Variants in IL19 observed in about 807,000 individuals in gnomAD.
The protein encoded by IL19 is interleukin-19.
In IL19, 15 loss-of-function variants were observed where a neutral mutation model predicts 19.5. The observed-to-expected ratio is 0.77, with a 90% CI of 0.52 to 1.19. IL19 has a LOEUF of 1.19. IL19 is among the 50% of genes most tolerant of loss of function. The pLI, the probability that IL19 is intolerant of heterozygous loss-of-function variation, is 0.00. For missense variants in IL19, 199 were observed against 213.1 expected (o/e 0.93, Z 0.41); for synonymous variants, 78 against 78.3 (o/e 1.00, Z 0.02).
At chr1:206,777,761 GT>G (rs1369534818) in intron 1 of IL19, among the ~76,000 whole-genome samples, 12 of 152,244 alleles carry the variant, frequency 7.9e-5, no homozygotes, top group African/African-American at 2.9e-4. Context: ...TTTGCCATTA[GT>G]AGTTATTTTT....
chr1:206,822,620 A>G (rs1004948446), intron 2 of IL19, among the ~76,000 whole-genome samples: 4 of 152,238 alleles, frequency 2.6e-5, no homozygotes, highest in African/African-American at 4.8e-5. Context: ...ACAAGGTTGT[A>G]AGGATTAAAT....
At chr1:206,783,661 G>T (rs998629862) in intron 1 of IL19, among the ~76,000 whole-genome samples, 1 of 152,148 alleles carries the variant, frequency 6.6e-6, no homozygotes, top group Admixed American at 6.5e-5. Flanking sequence ...GCCCTACCCT[G>T]GGTCCAAGTG....
intron 1 of IL19, among the ~76,000 whole-genome samples, chr1:206,775,178 C>T (rs1247556230): frequency 2.0e-5 from 3 of 151,898 alleles, no homozygotes; most frequent in Non-Finnish European, 4.4e-5. Flanking sequence ...GTAGCTGGGA[C>T]TACAGGCGCC....
chr1:206,774,724 C>A (rs530865661), intron 1 of IL19, among the ~76,000 whole-genome samples: 4 of 152,166 alleles, frequency 2.6e-5, no homozygotes, highest in African/African-American at 9.7e-5. Flanking sequence ...TTTTATTAAT[C>A]TTTGCGTACT....
At chr1:206,775,144 C>T (rs1329749666) in intron 1 of IL19, among the ~76,000 whole-genome samples, 1 of 151,902 alleles carries the variant, frequency 6.6e-6, no homozygotes, top group African/African-American at 2.4e-5. Flanking sequence ...GAGTTCAAGC[C>T]ATTCTCCTGC....
At chr1:206,840,078 C>G in intron 5 of IL19, 76 bp downstream of exon 5, 1 of 1,508,508 alleles carries the variant, frequency 6.6e-7, no homozygotes. Flanking sequence ...TGGCCCCCAT[C>G]GGCCTCCTGA....
chr1:206,812,101 T>C (rs778725650), intron 2 of IL19, among the ~76,000 whole-genome samples: 2 of 152,196 alleles, frequency 1.3e-5, no homozygotes, highest in African/African-American at 2.4e-5. Flanking sequence ...ATGGTACCAG[T>C]TGGGAGATTA....
intron 2 of IL19, among the ~76,000 whole-genome samples, chr1:206,810,539 T>C (rs1254387534): frequency 6.6e-6 from 1 of 152,222 alleles, no homozygotes; most frequent in Non-Finnish European, 1.5e-5. Context: ...AGCACTTGCA[T>C]CTCTGAAAAG....
rs1289932206 is a variant in IL19 at position 206,770,847 on chromosome 1, G to A, written c.-380G>A. On this transcript the variant is annotated 5_prime_UTR_variant, in exon 1 of 7. Coordinates refer to ENST00000659997, the MANE Select transcript of IL19 (RefSeq NM_153758.5). The stretch of plus-strand genomic sequence containing the variant: ...TCTGTGGATGTGAGTGTCCCTGCTG[G>A]TCTGTAGGAGATGGTATTTTGGGGG... 2.0e-6 allele frequency: 3 copies of A among 1,514,466 alleles called. 1 individual carries two copies. Among genetic ancestry groups the A allele is most frequent in the Non-Finnish European group, 2.8e-6 (3 of 1,088,402 alleles). 93.8% of individuals were successfully genotyped at this position (1,514,466 alleles called of 1,614,324 possible).
intron 2 of IL19, among the ~76,000 whole-genome samples, chr1:206,831,119 AG>A (rs780203117): frequency 2.6e-5 from 4 of 152,222 alleles, no homozygotes; most frequent in East Asian, 1.9e-4. Context: ...CTCAGTACTT[AG>A]GAATGGCCAG....
chr1:206,841,920 G>C (rs973499769), intron 6 of IL19, among the ~76,000 whole-genome samples: 3 of 152,174 alleles, frequency 2.0e-5, no homozygotes, highest in Non-Finnish European at 2.9e-5. Flanking sequence ...CAACTGCACG[G>C]CAGAGGTAGG....
chr1:206,777,985 G>A (rs1675049801), intron 1 of IL19, among the ~76,000 whole-genome samples: 1 of 152,222 alleles, frequency 6.6e-6, no homozygotes, highest in Non-Finnish European at 1.5e-5. Context: ...AGGAGTCTGT[G>A]AGCACTGTAT....
chr1:206,804,624 G>A (rs1375999907), intron 2 of IL19, among the ~76,000 whole-genome samples: 2 of 152,136 alleles, frequency 1.3e-5, no homozygotes, highest in African/African-American at 2.4e-5. Flanking sequence ...TGAGATTTGG[G>A]GTTTAAAAGT....
At chr1:206,773,186 A>G (rs1259552415) in intron 1 of IL19, among the ~76,000 whole-genome samples, 1 of 152,142 alleles carries the variant, frequency 6.6e-6, no homozygotes, top group Non-Finnish European at 1.5e-5. Flanking sequence ...AGTGGGTAAG[A>G]GTAGTCTGCA....
chr1:206,821,233 G>T (rs540412096), intron 2 of IL19, among the ~76,000 whole-genome samples: 1 of 152,282 alleles, frequency 6.6e-6, no homozygotes, highest in Admixed American at 6.5e-5. Context: ...ACAGGTTCTG[G>T]AAGTTAAAAT....
rs1308410638 is a variant in IL19 at position 206,797,688 on chromosome 1, AC to A, written c.-148-1170del. Among the ~76,000 whole-genome samples the A allele has an allele frequency of 3.9e-5, 6 of 152,082 alleles. No homozygotes were observed. In the South Asian group the frequency reaches 1.0e-3, roughly 26 times the overall value. On this transcript the variant is annotated intron_variant, in intron 1 of 6. Transcript: ENST00000659997. ...CCAGACCTACTCTTATCACTCACAAACCCTAGAGGTTCCGTGGCCAAAGGAG... is the reference window on the plus strand; with the variant it reads ...CCAGACCTACTCTTATCACTCACAAACCTAGAGGTTCCGTGGCCAAAGGAG...
At chr1:206,805,318 A>G in intron 2 of IL19, among the ~76,000 whole-genome samples, 1 of 152,250 alleles carries the variant, frequency 6.6e-6, no homozygotes, top group East Asian at 1.9e-4. Context: ...CAGGTGGTAG[A>G]GGCTATAAAG....
chr1:206,842,686 A>G lies in IL19; in HGVS notation c.*64A>G. 4 of 983,838 alleles carry G rather than the reference A, an allele frequency of 4.1e-6. No individual in the cohort carries two copies. Among genetic ancestry groups the G allele is most frequent in the Non-Finnish European group, 6.2e-6 (4 of 641,882 alleles). The allele number at this position is 983,838 out of a possible 1,614,324, so 60.9% of individuals were successfully genotyped here. On this transcript the variant is annotated 3_prime_UTR_variant, in exon 7 of 7. Transcript: ENST00000659997. ...CCCTGTGCGGTTTACTGTGGGAGAC[A>G]GCCCACCTTGAAGGGGAAGGAGATG...
chr1:206,819,111 T>C (rs1676232844), intron 2 of IL19, among the ~76,000 whole-genome samples: 1 of 151,678 alleles, frequency 6.6e-6, no homozygotes, highest in South Asian at 2.1e-4. Context: ...ACACCCAGCT[T>C]ATTTTTTCTT....
Sources: gnomAD v4.1 joint callset for allele counts (sites outside exome capture counted in the v4.1 genomes callset) on GRCh38, gnomAD v4.1.1 for gene constraint, MANE v1.5 for transcripts, NCBI Gene and HGNC (gene_info 2026-07-23, HGNC 2026-07-21) for gene names.